CSNK2A1: variants seen among roughly 807,000 people sequenced by gnomAD.
The protein encoded by CSNK2A1 is casein kinase II subunit alpha.
Under a neutral mutation model 62.9 loss-of-function variants are expected in CSNK2A1, and 10 were observed. That is an observed-to-expected ratio of 0.16 (90% CI 0.10 to 0.27). The LOEUF (loss-of-function observed/expected upper bound fraction) is 0.27, where lower values mean the gene tolerates loss of function less well. CSNK2A1 is among the 10% of genes least tolerant of loss of function. CSNK2A1 has a pLI of 1.00. For missense variants in CSNK2A1, 160 were observed against 492.0 expected (o/e 0.33, Z 6.38); for synonymous variants, 124 against 167.8 (o/e 0.74, Z 2.02).
chr20:497,525 A>G (rs1311916295), intron 7 of CSNK2A1, among the ~76,000 whole-genome samples, 196 bp downstream of exon 7: 1 of 152,136 alleles, frequency 6.6e-6, no homozygotes, highest in Non-Finnish European at 1.5e-5. Context: ...CCTGGCCTCA[A>G]GCAATCCTCC....
intron 2 of CSNK2A1, among the ~76,000 whole-genome samples, chr20:510,588 A>G (rs2018698340): frequency 6.6e-6 from 1 of 152,238 alleles, no homozygotes; most frequent in African/African-American, 2.4e-5. Flanking sequence ...ACACGTTTAC[A>G]TGTGTATATA....
chr20:512,830 A>G lies in CSNK2A1; in HGVS notation c.-109-4170T>C, dbSNP rs183537631. 7.2e-5 allele frequency among the ~76,000 whole-genome samples: 11 copies of G among 152,198 alleles called. No individual in the cohort carries two copies. The East Asian group carries it at 1.7e-3, about 24-fold the overall frequency. ...TTTGATTTTGTAAAACCTGGGTGAC[A>G]TTAATCTATCTTCACTTAATATCAG... On this transcript the variant is annotated intron_variant, in intron 2 of 13. Coordinates refer to ENST00000217244, the MANE Select transcript of CSNK2A1 (RefSeq NM_177559.3).
In CSNK2A1 at chr20:488,571, C is replaced by T. The variant is rs1309003746; in HGVS notation, c.824+107G>A. Reference sequence around the variant, plus strand: ...TCCTGTGGCACTGGACCACTGACATCCTGACAGTGCTGGCAAAGAAAACAT... The same window carrying T: ...TCCTGTGGCACTGGACCACTGACATTCTGACAGTGCTGGCAAAGAAAACAT... On this transcript the variant is annotated intron_variant, in intron 11 of 13. Transcript: ENST00000217244. The T allele has an allele frequency of 2.6e-6, 3 of 1,133,038 alleles. No individual in the cohort carries two copies. The African/African-American group carries it at 4.7e-5, about 18-fold the overall frequency. The allele number at this position is 1,133,038 out of a possible 1,614,324, so 70.2% of individuals were successfully genotyped here.
intron 2 of CSNK2A1, among the ~76,000 whole-genome samples, chr20:526,538 G>A (rs745392742): frequency 6.9e-4 from 105 of 151,974 alleles, no homozygotes; most frequent in Non-Finnish European, 6.8e-4. Context: ...TTGAGCCCAG[G>A]AGTTTGAGGC....
intron 8 of CSNK2A1, 50 bp from the exon 9 acceptor site, chr20:492,414 C>T (rs2122522172): frequency 6.3e-7 from 1 of 1,577,374 alleles, no homozygotes; most frequent in African/African-American, 1.3e-5. Context: ...AAGCTACCCA[C>T]ACTGTGCCAT....
chr20:538,865 G>A (rs1214819663), intron 1 of CSNK2A1, among the ~76,000 whole-genome samples: 1 of 152,114 alleles, frequency 6.6e-6, no homozygotes, highest in Non-Finnish European at 1.5e-5. Context: ...ATTTATCCAA[G>A]ATATGGAAGA....
chr20:520,646 T>C (rs777106967), intron 2 of CSNK2A1, among the ~76,000 whole-genome samples: 1 of 151,922 alleles, frequency 6.6e-6, no homozygotes, highest in Non-Finnish European at 1.5e-5. Flanking sequence ...ACCACAGGAG[T>C]GTGTCACTAT....
intron 7 of CSNK2A1, chr20:496,816 T>C (rs1388004171): frequency 1.3e-5 from 2 of 152,190 alleles, no homozygotes; most frequent in African/African-American, 2.4e-5. Context: ...GACCCCACTT[T>C]AGAAATGTAA....
intron 2 of CSNK2A1, among the ~76,000 whole-genome samples, chr20:516,098 T>G (rs1278713211): frequency 6.6e-6 from 1 of 152,340 alleles, no homozygotes; most frequent in East Asian, 1.9e-4. Flanking sequence ...TCCTAGATAT[T>G]TGGAAGATCA....
intron 1 of CSNK2A1, among the ~76,000 whole-genome samples, chr20:532,699 G>A (rs1342644352): frequency 6.6e-6 from 1 of 152,074 alleles, no homozygotes; most frequent in African/African-American, 2.4e-5. Context: ...TGGAGATCAC[G>A]ACCTGAATAG....
At chr20:494,667 C>T (rs1415304276) in intron 8 of CSNK2A1, 1 of 152,202 alleles carries the variant, frequency 6.6e-6, no homozygotes, top group Non-Finnish European at 1.5e-5. Flanking sequence ...TGCAAAAGCT[C>T]TCTATCTTCA....
chr20:532,387 C>A (rs766219377), intron 1 of CSNK2A1, among the ~76,000 whole-genome samples: 1 of 149,778 alleles, frequency 6.7e-6, no homozygotes, highest in Non-Finnish European at 1.5e-5. Flanking sequence ...CCATGTTGGC[C>A]AGGATGGTCT....
At chr20:512,604 C>A (rs2018746730) in intron 2 of CSNK2A1, among the ~76,000 whole-genome samples, 1 of 152,090 alleles carries the variant, frequency 6.6e-6, no homozygotes, top group East Asian at 1.9e-4. Flanking sequence ...TTAACCGTGA[C>A]AAACACAATT....
At chr20:528,947 AC>A (rs2019154097) in intron 1 of CSNK2A1, among the ~76,000 whole-genome samples, 1 of 152,194 alleles carries the variant, frequency 6.6e-6, no homozygotes, top group Admixed American at 6.5e-5. Flanking sequence ...AACACAGCCA[AC>A]CCCCATACCC....
chr20:487,655 T>C, intron 11 of CSNK2A1, 80 bp from the exon 12 acceptor site: 4 of 1,593,594 alleles, frequency 2.5e-6, no homozygotes, highest in Non-Finnish European at 3.4e-6. Context: ...TTTTTCTTAG[T>C]GGCTAACAGC....
chr20:525,839 A>G (rs1426353150), intron 2 of CSNK2A1, among the ~76,000 whole-genome samples: 1 of 138,620 alleles, frequency 7.2e-6, no homozygotes, highest in Admixed American at 7.1e-5. Context: ...AAACTATTAA[A>G]AAAAAAAAAA....
At chr20:486,307 C>T in intron 13 of CSNK2A1, 69 bp downstream of exon 13, 1 of 1,577,458 alleles carries the variant, frequency 6.3e-7, no homozygotes. Flanking sequence ...TACAAGAAAT[C>T]AGACCACAAA....
Position 486,279 on chromosome 20 carries a change from T to C in CSNK2A1, c.1060+97A>G. 6 of 1,420,422 alleles carry C rather than the reference T, an allele frequency of 4.2e-6. No individual in the cohort carries two copies. The South Asian group carries it at 7.5e-5, about 18-fold the overall frequency. 88.0% of individuals were successfully genotyped at this position (1,420,422 alleles called of 1,614,324 possible). On this transcript the variant is annotated intron_variant, in intron 13 of 13. Transcript: ENST00000217244. Reference sequence around the variant, plus strand: ...TAAAAAAAAGTCACAAGGCCACCAGTACGGAGAAGAGAAGGTATACAAGAA... The same window carrying C: ...TAAAAAAAAGTCACAAGGCCACCAGCACGGAGAAGAGAAGGTATACAAGAA...
chr20:490,348 T>C, intron 9 of CSNK2A1, among the ~76,000 whole-genome samples: 1 of 123,194 alleles, frequency 8.1e-6, no homozygotes, highest in African/African-American at 3.5e-5. Flanking sequence ...TTTTTTTTTT[T>C]TTTAGTTTTT....
Sources: allele counts gnomAD v4.1 joint callset (sites outside exome capture counted in the v4.1 genomes callset), GRCh38; gene constraint gnomAD v4.1.1; transcripts MANE v1.5; gene names NCBI Gene and HGNC (gene_info 2026-07-23, HGNC 2026-07-21).